The following STXBP5L variants were observed in gnomAD, a reference collection of about 807,000 sequenced individuals.
STXBP5L encodes the protein syntaxin-binding protein 5-like.
In STXBP5L, 65 loss-of-function variants were observed where a neutral mutation model predicts 144.5. That is an observed-to-expected ratio of 0.45 (90% CI 0.37 to 0.55). The LOEUF is 0.55. STXBP5L is among the 20% of genes least tolerant of loss of function. STXBP5L has a pLI of 0.00. For synonymous variants in STXBP5L, 505 were observed against 469.6 expected (o/e 1.08, Z -0.97); for missense variants, 1,298 against 1,405.5 (o/e 0.92, Z 1.22).
chr3:121,087,685 C>G (rs1289322273), intron 5 of STXBP5L, among the ~76,000 whole-genome samples: 1 of 151,760 alleles, frequency 6.6e-6, no homozygotes, highest in Non-Finnish European at 1.5e-5. Context: ...TATATTAGGG[C>G]TTAGGTTCTC....
At chr3:120,966,695 G>C in intron 3 of STXBP5L, among the ~76,000 whole-genome samples, 1 of 152,122 alleles carries the variant, frequency 6.6e-6, no homozygotes, top group East Asian at 1.9e-4. Flanking sequence ...AGTGGCAGCT[G>C]TCTATATGAG....
chr3:121,289,664 C>CTCAATAAAT (rs896066184), intron 19 of STXBP5L, among the ~76,000 whole-genome samples: 3 of 152,126 alleles, frequency 2.0e-5, no homozygotes, highest in African/African-American at 7.2e-5. Flanking sequence ...CAAAACAAGT[C>CTCAATAAAT]TCAATAAATT....
intron 3 of STXBP5L, among the ~76,000 whole-genome samples, chr3:120,959,184 C>A (rs955541366): frequency 6.6e-6 from 1 of 152,128 alleles, no homozygotes; most frequent in African/African-American, 2.4e-5. Flanking sequence ...CCTAGGAATC[C>A]AACTTACAAG....
intron 3 of STXBP5L, among the ~76,000 whole-genome samples, chr3:121,001,272 C>T (rs1559979838): frequency 2.0e-5 from 3 of 152,190 alleles, no homozygotes; most frequent in Non-Finnish European, 1.5e-5. Context: ...AGAGCTATAG[C>T]AGTAGCTACT....
chr3:121,336,309 A>G (rs1432869436), intron 20 of STXBP5L, among the ~76,000 whole-genome samples: 1 of 152,052 alleles, frequency 6.6e-6, no homozygotes, highest in East Asian at 1.9e-4. Flanking sequence ...CCAGCCTAGG[A>G]AACATGACAA....
In STXBP5L at chr3:121,381,261, T is replaced by A. The variant is rs549443008; in HGVS notation, c.2348-32T>A. The A allele has an allele frequency of 8.6e-5, 127 of 1,475,532 alleles. No individual in the cohort carries two copies. The African/African-American group carries it at 1.7e-3, about 19-fold the overall frequency. 91.4% of individuals were successfully genotyped at this position (1,475,532 alleles called of 1,614,324 possible). A position where few individuals can be genotyped will look rare whatever the true frequency, so the allele number is the denominator to read the frequency against. On this transcript the variant is annotated intron_variant, in intron 21 of 26. Coordinates refer to ENST00000471454, the MANE Select transcript of STXBP5L (RefSeq NM_001308330.2). ...TGTTATTGTGGAAATATACTAACAA[T>A]TTGTGTGGTTTTTTTTTATTTATTT...
intron 3 of STXBP5L, among the ~76,000 whole-genome samples, chr3:120,998,686 T>C (rs985467436): frequency 2.0e-5 from 3 of 152,120 alleles, no homozygotes; most frequent in Non-Finnish European, 4.4e-5. Flanking sequence ...ATACAAAAAT[T>C]GATGTTCAAA....
intron 2 of STXBP5L, among the ~76,000 whole-genome samples, chr3:120,943,502 T>G (rs537253671): frequency 2.4e-4 from 36 of 151,856 alleles, no homozygotes; most frequent in Non-Finnish European, 4.6e-4. Flanking sequence ...GTATGAGGTA[T>G]ATATATTTAG....
intron 20 of STXBP5L, chr3:121,357,416 A>T (rs2045556063): frequency 6.5e-6 from 1 of 153,692 alleles, no homozygotes; most frequent in Non-Finnish European, 1.5e-5. Context: ...TTTTGCTAGT[A>T]GCAGGTTCAT....
intron 9 of STXBP5L, among the ~76,000 whole-genome samples, chr3:121,182,072 G>T (rs1371766208): frequency 6.6e-6 from 1 of 152,022 alleles, no homozygotes; most frequent in South Asian, 2.1e-4. Flanking sequence ...ACACAGTAAT[G>T]GTGGGAGACT....
intron 20 of STXBP5L, among the ~76,000 whole-genome samples, chr3:121,330,558 C>T (rs980252274): frequency 2.6e-5 from 4 of 152,112 alleles, no homozygotes; most frequent in Admixed American, 6.5e-5. Flanking sequence ...CAGTAGGGTA[C>T]CTTTCCTGGG....
chr3:121,024,378 C>A (rs1387586800), intron 3 of STXBP5L, among the ~76,000 whole-genome samples: 1 of 152,064 alleles, frequency 6.6e-6, no homozygotes, highest in Admixed American at 6.6e-5. Flanking sequence ...TTTAGGAATT[C>A]TTTAGTCCTA....
At chr3:121,092,410 A>G (rs1175196578) in intron 5 of STXBP5L, among the ~76,000 whole-genome samples, 1 of 152,116 alleles carries the variant, frequency 6.6e-6, no homozygotes, top group African/African-American at 2.4e-5. Flanking sequence ...TGAGCATGGA[A>G]TGTTCTTCCA....
At chr3:121,395,891 C>T (rs779243365) in intron 22 of STXBP5L, among the ~76,000 whole-genome samples, 5 of 152,192 alleles carry the variant, frequency 3.3e-5, no homozygotes, top group Admixed American at 6.5e-5. Context: ...GCGTCAGTCT[C>T]GACATGGCTG....
intron 6 of STXBP5L, among the ~76,000 whole-genome samples, chr3:121,118,621 T>A (rs1317249827): frequency 6.6e-6 from 1 of 151,622 alleles, no homozygotes; most frequent in Non-Finnish European, 1.5e-5. Flanking sequence ...CTCAATCAAA[T>A]CTATATTTTA....
In STXBP5L at chr3:121,378,700, C is replaced by G; in HGVS notation, c.2177-16C>G. 1 of 1,610,846 alleles carries G rather than the reference C, an allele frequency of 6.2e-7. No individual in the cohort carries two copies. The highest frequency in any genetic ancestry group is 8.5e-7 in the Non-Finnish European group (1 of 1,178,240). On this transcript the variant is annotated splice_polypyrimidine_tract_variant and intron_variant, in intron 20 of 26. Coordinates refer to ENST00000471454, the MANE Select transcript of STXBP5L (RefSeq NM_001308330.2). ...TTAATCATTATATGTATGCTGCCTT[C>G]CTCCTCTTGGCACAGACCATGTAAA...
chr3:121,318,577 T>A, intron 20 of STXBP5L, 37 bp downstream of exon 20: 2 of 1,361,836 alleles, frequency 1.5e-6, no homozygotes, highest in Non-Finnish European at 2.0e-6. Flanking sequence ...TTCTGGTAAT[T>A]CACTGCAGTA....
At chr3:121,239,172 C>T (rs1236756170) in intron 13 of STXBP5L, 54 bp downstream of exon 13, 4 of 1,062,242 alleles carry the variant, frequency 3.8e-6, no homozygotes, top group Non-Finnish European at 5.3e-6. Flanking sequence ...CATGATCATA[C>T]TTTTTTCCAT....
rs541844570 is a variant in STXBP5L at position 121,235,960 on chromosome 3, A to G, written c.1184+2272A>G. On this transcript the variant is annotated intron_variant, in intron 12 of 26. Coordinates refer to ENST00000471454, the MANE Select transcript of STXBP5L (RefSeq NM_001308330.2). Reference sequence around the variant, plus strand: ...TTTGTAACAAGCACCTCCTACCCTAAAAAAACACAGTGTGTCAGAAGTTAT... The same window carrying G: ...TTTGTAACAAGCACCTCCTACCCTAGAAAAACACAGTGTGTCAGAAGTTAT... 1.1e-4 allele frequency among the ~76,000 whole-genome samples: 16 copies of G among 152,250 alleles called. No individual in the cohort carries two copies. The East Asian group carries it at 3.1e-3, about 29-fold the overall frequency.
Sources: allele counts gnomAD v4.1 joint callset (sites outside exome capture counted in the v4.1 genomes callset), GRCh38; gene constraint gnomAD v4.1.1; transcripts MANE v1.5; gene names NCBI Gene and HGNC (gene_info 2026-07-23, HGNC 2026-07-21).